Variants in AP3D1 observed in about 807,000 individuals in gnomAD.
AP3D1 encodes the protein adaptor related protein complex 3 subunit delta 1, also known as AP-3 complex subunit delta-1.
In AP3D1, 51 loss-of-function variants were observed where a neutral mutation model predicts 147.6. The ratio of observed to expected loss-of-function variants is 0.35; its 90% confidence interval spans 0.28 to 0.44. The LOEUF is 0.44. AP3D1 is among the 20% of genes least tolerant of loss of function. AP3D1 has a pLI of 1.00. For missense variants in AP3D1, 1,421 were observed against 1,624.2 expected, an observed-to-expected ratio of 0.87 and a Z score of 2.15; for synonymous variants, 760 against 663.0, an observed-to-expected ratio of 1.15 and a Z score of -2.25.
chr19:2,112,439 T>G, intron 24 of AP3D1: 1 of 171,608 alleles, frequency 5.8e-6, no homozygotes. Context: ...ATGACCCCAT[T>G]TCTATGAAAT....
At chr19:2,116,942 G>T in intron 16 of AP3D1, 196 bp from the exon 17 acceptor site, 2 of 886,462 alleles carry the variant, frequency 2.3e-6, no homozygotes, top group Non-Finnish European at 3.3e-6. Context: ...CTGCGGCAGG[G>T]TCACAGTGGG....
chr19:2,123,500 G>C, intron 10 of AP3D1, 94 bp from the exon 11 acceptor site: 1 of 1,340,292 alleles, frequency 7.5e-7, no homozygotes, highest in Non-Finnish European at 1.0e-6. Context: ...CCTGGCCTAA[G>C]GCCCGGCGTC....
intron 17 of AP3D1, among the ~76,000 whole-genome samples, 162 bp from the exon 18 acceptor site, chr19:2,116,440 C>T (rs1284553693): frequency 2.0e-5 from 3 of 152,198 alleles, no homozygotes; most frequent in East Asian, 1.9e-4. Context: ...GGGAAGAGCA[C>T]GTATTGGGGG....
At chr19:2,151,194 G>A (rs2019499687) in intron 1 of AP3D1, 45 bp downstream of exon 1, 2 of 1,571,524 alleles carry the variant, frequency 1.3e-6, no homozygotes, top group Middle Eastern at 1.7e-4. Context: ...GCCCTGGGCC[G>A]GGGCTGTGAC....
intron 1 of AP3D1, among the ~76,000 whole-genome samples, chr19:2,160,583 A>G (rs921296113): frequency 1.3e-5 from 2 of 151,634 alleles, no homozygotes; most frequent in Non-Finnish European, 2.9e-5. Flanking sequence ...CCTGGAGTCC[A>G]GTCCATCCTC....
At chr19:2,158,032 T>C (rs929723459) in intron 1 of AP3D1, among the ~76,000 whole-genome samples, 17 of 152,118 alleles carry the variant, frequency 1.1e-4, no homozygotes, top group African/African-American at 3.9e-4. Flanking sequence ...TCTTTTTTTT[T>C]CTTCCCTCCA....
At chr19:2,150,973 G>C (rs182169708) in intron 1 of AP3D1, among the ~76,000 whole-genome samples, 297 of 152,352 alleles carry the variant, frequency 1.9e-3, no homozygotes, top group African/African-American at 6.8e-3. Context: ...ATTTTGAACA[G>C]CGCTTCCCCC....
At chr19:2,124,568 T>TGTGTGC (rs761116957) in intron 9 of AP3D1, among the ~76,000 whole-genome samples, 227 of 152,234 alleles carry the variant, frequency 1.5e-3, no homozygotes, top group Non-Finnish European at 2.2e-3. Context: ...CAGGAGACCG[T>TGTGTGC]GTGTGCGTGT....
chr19:2,117,150 C>T (rs893576061), intron 16 of AP3D1, 72 bp downstream of exon 16: 2 of 1,504,098 alleles, frequency 1.3e-6, no homozygotes, highest in Non-Finnish European at 1.8e-6. Flanking sequence ...GCAGGAGCCC[C>T]CGCTGTGCCA....
intron 11 of AP3D1, 127 bp from the exon 12 acceptor site, chr19:2,122,006 G>A (rs2018625554): frequency 1.8e-6 from 2 of 1,081,400 alleles, no homozygotes; most frequent in Admixed American, 2.7e-5. Context: ...CCTGGGGGTG[G>A]ACAGAGCAAG....
chr19:2,110,672 T>G (rs764258279), intron 27 of AP3D1, 35 bp downstream of exon 27: 1 of 1,532,318 alleles, frequency 6.5e-7, no homozygotes. Flanking sequence ...GCTCCCACAG[T>G]CCCCAGGAGA....
At chr19:2,119,489 C>T (rs892233658) in intron 14 of AP3D1, among the ~76,000 whole-genome samples, 14 of 151,638 alleles carry the variant, frequency 9.2e-5, no homozygotes, top group Admixed American at 4.6e-4. Context: ...GTCAACAGAT[C>T]GAGACCATCC....
chr19:2,130,470 T>C lies in AP3D1; in HGVS notation c.530A>G (p.Tyr177Cys). 1 of 1,614,012 alleles carries C rather than the reference T, an allele frequency of 6.2e-7. No individual in the cohort carries two copies. The highest frequency in any genetic ancestry group is 1.6e-4 in the Middle Eastern group (1 of 6,062). The change falls in exon 6 of 32, where the codon TAC becomes TGC. Residue 177 changes from tyrosine (Y) to cysteine (C), a missense_variant. Physicochemically the swap from Tyr to Cys is radical, Grantham distance 194. Coordinates refer to ENST00000643116, the MANE Select transcript of AP3D1 (RefSeq NM_001261826.3). ...AAAGGCAGGGCGCAGCGACTCGGGGTACTTCAGGAACACCTTGTACATGAT... is the reference window on the plus strand; with the variant it reads ...AAAGGCAGGGCGCAGCGACTCGGGGCACTTCAGGAACACCTTGTACATGAT... ...VLIMYKVFLK[Y>C]PESLRPAFPR... is the part of the protein sequence containing the mutation.
chr19:2,124,188 G>A (rs937689311), intron 9 of AP3D1, among the ~76,000 whole-genome samples: 2 of 152,222 alleles, frequency 1.3e-5, no homozygotes, highest in Admixed American at 1.3e-4. Context: ...ATCCCGGCAG[G>A]GGCCAGGCCC....
chr19:2,153,057 T>TAAA (rs34417814), upstream of AP3D1, among the ~76,000 whole-genome samples: 2 of 114,006 alleles, frequency 1.8e-5, no homozygotes, highest in Admixed American at 9.2e-5. Context: ...ACACCCATCT[T>TAAA]AAAAAAAAAA....
chr19:2,153,618 T>G (rs555035404), upstream of AP3D1, among the ~76,000 whole-genome samples: 12 of 147,756 alleles, frequency 8.1e-5, no homozygotes, highest in African/African-American at 2.8e-4. Flanking sequence ...GAGGTTGCAG[T>G]GAGCTGAGAT....
intron 31 of AP3D1, among the ~76,000 whole-genome samples, chr19:2,104,150 C>T (rs1000273426): frequency 1.5e-4 from 18 of 119,240 alleles, no homozygotes; most frequent in Non-Finnish European, 3.2e-4. Flanking sequence ...GCCAAGACAC[C>T]AACACTCAGA....
At chr19:2,137,448 G>A (rs1027395693) in intron 3 of AP3D1, among the ~76,000 whole-genome samples, 3 of 151,954 alleles carry the variant, frequency 2.0e-5, no homozygotes, top group Non-Finnish European at 4.4e-5. Flanking sequence ...CAAGTAGCTA[G>A]GATTATAGCC....
intron 24 of AP3D1, chr19:2,112,525 C>T (rs891534119): frequency 3.0e-5 from 7 of 236,650 alleles, no homozygotes; most frequent in Non-Finnish European, 4.9e-5. Flanking sequence ...TGAGAAGTAA[C>T]GGCTGGTGGG....
Sources: allele counts gnomAD v4.1 joint callset (sites outside exome capture counted in the v4.1 genomes callset), GRCh38; gene constraint gnomAD v4.1.1; transcripts MANE v1.5; gene names NCBI Gene and HGNC (gene_info 2026-07-23, HGNC 2026-07-21).